Variants in GPBP1L1 observed in about 807,000 individuals in gnomAD.
GPBP1L1 encodes GC-rich promoter binding protein 1 like 1, also known as vasculin-like protein 1.
A neutral mutation model predicts 52.5 loss-of-function variants in GPBP1L1; 23 were observed. The observed-to-expected ratio is 0.44, with a 90% CI of 0.32 to 0.62. The LOEUF (loss-of-function observed/expected upper bound fraction) is 0.62. Ranked by LOEUF, GPBP1L1 falls within the 20% of genes least tolerant of loss-of-function variation. The pLI is 0.06. For synonymous variants in GPBP1L1, 243 were observed against 203.1 expected, an observed-to-expected ratio of 1.20 and a Z score of -1.67; for missense variants, 596 against 579.3, an observed-to-expected ratio of 1.03 and a Z score of -0.30.
rs1020697021 is a variant in GPBP1L1, at chr1:45,653,693, C to A, written c.477+850G>T. 2.3e-5 allele frequency among the ~76,000 whole-genome samples: 3 copies of A among 129,640 alleles called. No homozygotes were observed. In the Admixed American group the frequency reaches 2.4e-4, roughly 10 times the overall value. The allele number at this position is 129,640 out of a possible 152,430, so 85.0% of individuals were successfully genotyped here. ...GATACTGATTTGTTAAAATGATAAT[C>A]TTTTTTTTCTTTTTTTTTTTTTTGA... is the stretch of plus-strand genomic sequence containing the variant. On this transcript the variant is annotated intron_variant, in intron 6 of 12. Coordinates refer to ENST00000355105, the MANE Select transcript of GPBP1L1 (RefSeq NM_021639.5).
At chr1:45,633,770 A>C (rs1644560829) in intron 9 of GPBP1L1, 123 bp from the exon 10 acceptor site, 1 of 1,051,762 alleles carries the variant, frequency 9.5e-7, no homozygotes, top group Non-Finnish European at 1.4e-6. Context: ...AAACCAAACA[A>C]TCCTTTTATT....
chr1:45,633,606 A>G lies in GPBP1L1; in HGVS notation c.927T>C (p.Ser309=). Residue 309 remains serine (S), a synonymous_variant, in exon 10 of 13, where the codon TCT becomes TCC. Coordinates refer to ENST00000355105, the MANE Select transcript of GPBP1L1 (RefSeq NM_021639.5). ...TTCGGCGGGTCAACTTGGTCAGACG[A>G]GAGGAGCTGATCTCAATTGGAGGGG... ...STTPPIEISS[S]RLTKLTRRTT... 3 of 1,613,958 alleles carry G rather than the reference A, an allele frequency of 1.9e-6. No homozygotes were observed. The highest frequency in any genetic ancestry group is 2.5e-6 in the Non-Finnish European group (3 of 1,179,960).
At chr1:45,667,605 T>C (rs1486131323) in intron 2 of GPBP1L1, among the ~76,000 whole-genome samples, 2 of 152,226 alleles carry the variant, frequency 1.3e-5, no homozygotes, top group African/African-American at 4.8e-5. Context: ...CAGAGTCCAG[T>C]AGCATCATCA....
At chr1:45,651,861 G>C in intron 6 of GPBP1L1, 1 of 234,280 alleles carries the variant, frequency 4.3e-6, no homozygotes, top group Non-Finnish European at 8.2e-6. Flanking sequence ...TCTTATTTTT[G>C]ACTCTTCCTT....
intron 7 of GPBP1L1, 149 bp downstream of exon 7, chr1:45,642,278 G>A (rs1403631588): frequency 1.6e-6 from 1 of 627,048 alleles, no homozygotes; most frequent in East Asian, 2.7e-5. Context: ...GTAGGGGGCA[G>A]AATAACCCGC....
intron 2 of GPBP1L1, among the ~76,000 whole-genome samples, chr1:45,672,343 CAAAAA>C (rs57589371): frequency 1.9e-5 from 2 of 105,506 alleles, no homozygotes; most frequent in African/African-American, 3.8e-5. Flanking sequence ...GCCCAGGCGA[CAAAAA>C]AAAAAAAAAA....
At chr1:45,680,733 C>T (rs932582157) in intron 2 of GPBP1L1, among the ~76,000 whole-genome samples, 3 of 152,010 alleles carry the variant, frequency 2.0e-5, no homozygotes, top group African/African-American at 7.3e-5. Context: ...CAAATACCTA[C>T]CTAATTTGGA....
rs765359576 is a variant in GPBP1L1 at position 45,656,557 on chromosome 1, G to T, written c.61-1238C>A. ...AGCAAAGGCTGAGGTTCTTTACTCC[G>T]CCCCCATGTAGATAGAAGCTAGTTC... On this transcript the variant is annotated intron_variant, in intron 4 of 12. Transcript: ENST00000355105. 4.6e-4 allele frequency among the ~76,000 whole-genome samples: 70 copies of T among 151,936 alleles called. No individual in the cohort carries two copies. The Middle Eastern group carries it at 0.01, about 22-fold the overall frequency.
chr1:45,655,564 T>C, intron 4 of GPBP1L1: 1 of 330,338 alleles, frequency 3.0e-6, no homozygotes, highest in East Asian at 5.7e-5. Context: ...ACTTCAATTG[T>C]TTGCATGAAA....
chr1:45,685,157 A>T (rs1645263892), intron 2 of GPBP1L1, among the ~76,000 whole-genome samples: 1 of 152,022 alleles, frequency 6.6e-6, no homozygotes, highest in South Asian at 2.1e-4. Context: ...CACTTGTTAA[A>T]ATGTCTTACA....
intron 6 of GPBP1L1, among the ~76,000 whole-genome samples, chr1:45,643,658 C>CTTTTTTTTTTTTTTTTTTTTT (rs113388167): frequency 1.5e-5 from 1 of 65,112 alleles, no homozygotes; most frequent in African/African-American, 6.4e-5. Context: ...AGGAGAATGG[C>CTTTTTTTTTTTTTTTTTTTTT]TTTTTTTTTT....
intron 6 of GPBP1L1, among the ~76,000 whole-genome samples, chr1:45,653,693 CTTT>C (rs201949293): frequency 7.7e-6 from 1 of 129,640 alleles, no homozygotes; most frequent in Non-Finnish European, 1.7e-5. Flanking sequence ...AAATGATAAT[CTTT>C]TTTTTCTTTT....
chr1:45,674,225 T>TA (rs879328560), intron 2 of GPBP1L1, among the ~76,000 whole-genome samples: 2 of 152,156 alleles, frequency 1.3e-5, no homozygotes, highest in Non-Finnish European at 2.9e-5. Context: ...TACATCAAGC[T>TA]AAAAAAATTC....
At chr1:45,663,573 A>T (rs1413355603) in intron 2 of GPBP1L1, among the ~76,000 whole-genome samples, 1 of 152,230 alleles carries the variant, frequency 6.6e-6, no homozygotes, top group African/African-American at 2.4e-5. Context: ...AAAGAGTGTG[A>T]CCTACACATG....
chr1:45,628,883 T>C (rs1005325723), intron 12 of GPBP1L1, among the ~76,000 whole-genome samples: 1 of 152,146 alleles, frequency 6.6e-6, no homozygotes, highest in Non-Finnish European at 1.5e-5. Context: ...AGTATGCTCT[T>C]GAGCTCCTGA....
chr1:45,646,428 GAT>G (rs1170600922), intron 6 of GPBP1L1, among the ~76,000 whole-genome samples: 1 of 152,082 alleles, frequency 6.6e-6, no homozygotes, highest in Non-Finnish European at 1.5e-5. Context: ...ATGGCCAAAG[GAT>G]ATCTTTCTTT....
chr1:45,676,138 C>A (rs994545534), intron 2 of GPBP1L1, among the ~76,000 whole-genome samples: 1 of 152,084 alleles, frequency 6.6e-6, no homozygotes, highest in African/African-American at 2.4e-5. Context: ...CAGAAAAGAG[C>A]CCAAAGCCAT....
chr1:45,669,582 G>A (rs962964740), intron 2 of GPBP1L1, among the ~76,000 whole-genome samples: 5 of 151,786 alleles, frequency 3.3e-5, no homozygotes, highest in Non-Finnish European at 7.4e-5. Flanking sequence ...TTAGTCATTT[G>A]AAAGTCTTCT....
chr1:45,643,078 G>A lies in GPBP1L1; in HGVS notation c.478-579C>T, dbSNP rs372921726. ...AAAAAAATTCATATTAGGGAAGAAG[G>A]AGTACTCAGTAAGAAACATCAATTC... On this transcript the variant is annotated intron_variant, in intron 6 of 12. Transcript: ENST00000355105. 3.9e-5 allele frequency among the ~76,000 whole-genome samples: 6 copies of A among 152,282 alleles called. No individual in the cohort carries two copies. In the South Asian group the frequency reaches 8.3e-4, roughly 21 times the overall value.
Sources: gnomAD v4.1 joint callset for allele counts (sites outside exome capture counted in the v4.1 genomes callset) on GRCh38, gnomAD v4.1.1 for gene constraint, MANE v1.5 for transcripts, NCBI Gene and HGNC (gene_info 2026-07-23, HGNC 2026-07-21) for gene names.